RBFOX1: variants seen among roughly 807,000 people sequenced by gnomAD.
RBFOX1 encodes the protein RNA binding protein fox-1 homolog 1.
RBFOX1 carries 8 observed loss-of-function variants against 57.7 expected under a neutral mutation model. That is an observed-to-expected ratio of 0.14 (90% CI 0.08 to 0.25). RBFOX1 has a LOEUF of 0.25. Among genes scored for constraint, RBFOX1 ranks in the 10% least tolerant of loss-of-function variants. The pLI, the probability that RBFOX1 is intolerant of heterozygous loss-of-function variation, is 1.00. For missense variants in RBFOX1, 611 were observed against 548.5 expected (o/e 1.11, Z -1.14); for synonymous variants, 326 against 222.4 (o/e 1.47, Z -4.15).
intron 1 of RBFOX1, among the ~76,000 whole-genome samples, chr16:6,186,573 G>T (rs764025018): frequency 4.6e-5 from 7 of 152,184 alleles, no homozygotes; most frequent in Non-Finnish European, 8.8e-5. Flanking sequence ...CATTGCCCTA[G>T]CTTCACGTTG....
At chr16:6,513,987 C>T (rs902480780) in intron 2 of RBFOX1, among the ~76,000 whole-genome samples, 1 of 152,166 alleles carries the variant, frequency 6.6e-6, no homozygotes, top group African/African-American at 2.4e-5. Flanking sequence ...AACACATGTC[C>T]ACTGTGCTTT....
intron 2 of RBFOX1, among the ~76,000 whole-genome samples, chr16:6,339,328 G>T (rs2084198053): frequency 6.6e-6 from 1 of 152,152 alleles, no homozygotes; most frequent in Non-Finnish European, 1.5e-5. Flanking sequence ...ATTTTAATAG[G>T]TTTGTTGCCT....
At chr16:7,250,128 G>A (rs1167454429) in intron 4 of RBFOX1, among the ~76,000 whole-genome samples, 1 of 152,032 alleles carries the variant, frequency 6.6e-6, no homozygotes, top group Non-Finnish European at 1.5e-5. Context: ...GCTTCTTCAT[G>A]TCTTTCAAGC....
At chr16:6,695,429 A>G (rs1463428021) in intron 3 of RBFOX1, among the ~76,000 whole-genome samples, 5 of 101,750 alleles carry the variant, frequency 4.9e-5, no homozygotes, top group Non-Finnish European at 1.2e-4. Flanking sequence ...AAAAAAAAAA[A>G]AAAAAAAAGG....
At chr16:7,197,519 C>G (rs182301546) in intron 4 of RBFOX1, among the ~76,000 whole-genome samples, 1 of 150,494 alleles carries the variant, frequency 6.6e-6, no homozygotes, top group African/African-American at 2.4e-5. Flanking sequence ...TGTGGCCATG[C>G]CTTAAAAAAA....
At chr16:5,545,109 T>C (rs1218522961) in intron 2 of RBFOX1, among the ~76,000 whole-genome samples, 1 of 151,866 alleles carries the variant, frequency 6.6e-6, no homozygotes, top group African/African-American at 2.4e-5. Flanking sequence ...TCCGAGTAGC[T>C]GGGATTACAG....
chr16:5,730,420 C>G (rs553646447), intron 3 of RBFOX1, among the ~76,000 whole-genome samples: 1 of 152,292 alleles, frequency 6.6e-6, no homozygotes, highest in South Asian at 2.1e-4. Context: ...GGGCATGGAA[C>G]TGGTTGTCAT....
intron 1 of RBFOX1, among the ~76,000 whole-genome samples, chr16:5,265,715 C>T (rs1269631170): frequency 3.9e-5 from 6 of 152,138 alleles, no homozygotes; most frequent in Admixed American, 3.3e-4. Context: ...CAGAGCTGGG[C>T]TTGGCAACAG....
intron 1 of RBFOX1, among the ~76,000 whole-genome samples, chr16:5,409,787 C>T (rs1233668651): frequency 2.6e-5 from 4 of 152,146 alleles, no homozygotes; most frequent in African/African-American, 4.8e-5. Flanking sequence ...TGGTGGCTCA[C>T]ACCGGTAATC....
chr16:5,958,562 G>C (rs28589651), intron 4 of RBFOX1, among the ~76,000 whole-genome samples: 6,280 of 152,258 alleles, frequency 0.041, 426 homozygotes, highest in African/African-American at 0.14. Context: ...GATAAGAGCA[G>C]GTGAGGATTT....
chr16:6,613,711 C>T (rs1361500441), intron 2 of RBFOX1, among the ~76,000 whole-genome samples: 1 of 152,176 alleles, frequency 6.6e-6, no homozygotes, highest in East Asian at 1.9e-4. Context: ...CCAAGGAGGG[C>T]AGATCACTCG....
chr16:6,519,821 A>G (rs2096464127), intron 2 of RBFOX1, among the ~76,000 whole-genome samples: 1 of 152,218 alleles, frequency 6.6e-6, no homozygotes, highest in Non-Finnish European at 1.5e-5. Flanking sequence ...GGTCTTCATT[A>G]TCTCCATTTC....
At chr16:6,303,800 C>A (rs905846859) in intron 1 of RBFOX1, among the ~76,000 whole-genome samples, 6 of 141,844 alleles carry the variant, frequency 4.2e-5, no homozygotes, top group Non-Finnish European at 4.5e-5. Flanking sequence ...ATGGTGAAAC[C>A]CTGTCTTTTT....
Position 5,613,560 on chromosome 16 carries a change from CAT to C in RBFOX1, c.318+14600_318+14601del, listed in dbSNP as rs1261147181. Among the ~76,000 whole-genome samples the C allele has an allele frequency of 2.0e-5, 3 of 152,154 alleles. No homozygotes were observed. The East Asian group carries it at 5.8e-4, about 29-fold the overall frequency. ...TACTCCAAGTGAAATTTTCCTTTCT[CAT>C]TATCTGTGAGCTGATAAAGACGCCA... On this transcript the variant is annotated intron_variant, in intron 3 of 19. Coordinates refer to the RBFOX1 transcript ENST00000641259.
chr16:7,328,110 T>C (rs2096635622), intron 4 of RBFOX1, among the ~76,000 whole-genome samples: 1 of 152,130 alleles, frequency 6.6e-6, no homozygotes, highest in Non-Finnish European at 1.5e-5. Context: ...GCTCAAGTGA[T>C]CCTGCTGCCT....
intron 4 of RBFOX1, among the ~76,000 whole-genome samples, chr16:7,133,800 A>G (rs1014670387): frequency 6.6e-6 from 1 of 152,216 alleles, no homozygotes; most frequent in Non-Finnish European, 1.5e-5. Context: ...AGAATGACTG[A>G]CACAGCTTCT....
At chr16:6,647,924 A>T in intron 2 of RBFOX1, among the ~76,000 whole-genome samples, 1 of 152,076 alleles carries the variant, frequency 6.6e-6, no homozygotes, top group East Asian at 1.9e-4. Flanking sequence ...TTACTGCAAC[A>T]TCAGTCTACA....
intron 3 of RBFOX1, among the ~76,000 whole-genome samples, chr16:7,044,524 T>G (rs1458812427): frequency 1.3e-5 from 2 of 152,194 alleles, no homozygotes; most frequent in Non-Finnish European, 2.9e-5. Flanking sequence ...GCAAAGGGTC[T>G]CATGCTGAAG....
At chr16:7,077,119 C>G (rs920292989) in intron 4 of RBFOX1, among the ~76,000 whole-genome samples, 2 of 152,196 alleles carry the variant, frequency 1.3e-5, no homozygotes, top group Non-Finnish European at 2.9e-5. Flanking sequence ...GCCCAGAAAT[C>G]TCTTCAAGGC....
Sources: allele counts gnomAD v4.1 joint callset (sites outside exome capture counted in the v4.1 genomes callset), GRCh38; gene constraint gnomAD v4.1.1; transcripts MANE v1.5; gene names NCBI Gene and HGNC (gene_info 2026-07-23, HGNC 2026-07-21).